Variants in ESYT2 observed in about 807,000 individuals in gnomAD.
ESYT2 encodes the protein extended synaptotagmin 2.
ESYT2 carries 54 observed loss-of-function variants against 107.2 expected under a neutral mutation model. That is an observed-to-expected ratio of 0.50 (90% CI 0.40 to 0.63). The LOEUF (loss-of-function observed/expected upper bound fraction) is 0.63, where lower values mean the gene tolerates loss of function less well. Among genes scored for constraint, ESYT2 ranks in the 30% least tolerant of loss-of-function variants. The pLI is 0.00. For missense variants in ESYT2, 1,020 were observed against 1,094.5 expected, an observed-to-expected ratio of 0.93 and a Z score of 0.96; for synonymous variants, 491 against 434.1, an observed-to-expected ratio of 1.13 and a Z score of -1.63.
At chr7:158,784,928 G>C (rs532181961) in intron 6 of ESYT2, among the ~76,000 whole-genome samples, 1 of 152,282 alleles carries the variant, frequency 6.6e-6, no homozygotes, top group Admixed American at 6.5e-5. Flanking sequence ...ATTTCTAAGG[G>C]AAGTTTTGGG....
intron 16 of ESYT2, among the ~76,000 whole-genome samples, chr7:158,747,799 T>G (rs568957482): frequency 6.6e-6 from 1 of 152,320 alleles, no homozygotes; most frequent in African/African-American, 2.4e-5. Context: ...CCCAATCTTT[T>G]ATCAATGTCT....
Position 158,748,218 on chromosome 7 carries a change from G to C in ESYT2, c.1620C>G (p.Pro540=). ...CCTCAACTTCAAGGTCCTGGCGCTTGGGATTGTGAATGAAGAAAGTGAAGT... is the reference window on the plus strand; with the variant it reads ...CCTCAACTTCAAGGTCCTGGCGCTTCGGATTGTGAATGAAGAAAGTGAAGT... ...EENFTFFIHN[P]KRQDLEVEVR... is the part of the protein sequence containing the mutation. The change falls in exon 16 of 23, where the codon CCC becomes CCG. Residue 540 remains proline, a synonymous_variant. Coordinates refer to ENST00000275418, the MANE Select transcript of ESYT2 (RefSeq NM_001367773.1). 6.2e-7 allele frequency: 1 copy of C among 1,614,162 alleles called. No individual in the cohort carries two copies. The highest frequency in any genetic ancestry group is 8.5e-7 in the Non-Finnish European group (1 of 1,180,022).
chr7:158,746,415 C>T (rs947661353), intron 16 of ESYT2, among the ~76,000 whole-genome samples: 3 of 151,072 alleles, frequency 2.0e-5, no homozygotes, highest in East Asian at 3.9e-4. Context: ...GAGGCTGAGG[C>T]GGGAGGATTG....
rs1836853613 is a variant in ESYT2 at position 158,734,603 on chromosome 7, A to G, written c.2506-132T>C. On this transcript the variant is annotated intron_variant, in intron 21 of 22. Coordinates refer to ENST00000275418, the MANE Select transcript of ESYT2 (RefSeq NM_001367773.1). ...CAAGAGTTTGAGACCAGCCTGGGCA[A>G]GATAGTGAAACCTTGTCTCTATTAA... 5 of 750,108 alleles carry G rather than the reference A, an allele frequency of 6.7e-6. No homozygotes were observed. In the South Asian group the frequency reaches 9.1e-5, roughly 14 times the overall value. 46.5% of individuals were successfully genotyped at this position (750,108 alleles called of 1,614,324 possible). A position where few individuals can be genotyped will look rare whatever the true frequency, so the allele number is the denominator to read the frequency against.
chr7:158,825,641 G>A (rs1308811801), intron 1 of ESYT2, among the ~76,000 whole-genome samples: 1 of 152,174 alleles, frequency 6.6e-6, no homozygotes, highest in African/African-American at 2.4e-5. Flanking sequence ...TCCATATCCA[G>A]CTTCAGTTTT....
chr7:158,823,172 G>C (rs910556834), intron 1 of ESYT2, among the ~76,000 whole-genome samples: 1 of 151,056 alleles, frequency 6.6e-6, no homozygotes, highest in African/African-American at 2.4e-5. Context: ...GTGTGCGCCT[G>C]TAGTCCCAGA....
In ESYT2 at chr7:158,829,138, T is replaced by A; in HGVS notation, c.281A>T (p.Glu94Val). ...LCRALALLED[E>V]ERVVRLGVRA... Reference sequence around the variant, plus strand: ...CACCCCCAGGCGCACGACGCGCTCCTCGTCTTCCAGCAGCGCCAGCGCGCG... The same window carrying A: ...CACCCCCAGGCGCACGACGCGCTCCACGTCTTCCAGCAGCGCCAGCGCGCG... The change falls in exon 1 of 23, where the codon GAG becomes GTG. Residue 94 changes from glutamate to valine, a missense_variant. Glu to Val is a moderately radical substitution (Grantham distance 121). Coordinates refer to ENST00000275418, the MANE Select transcript of ESYT2 (RefSeq NM_001367773.1). 6.4e-7 allele frequency: 1 copy of A among 1,570,164 alleles called. No individual in the cohort carries two copies. The highest frequency in any genetic ancestry group is 1.1e-5 in the South Asian group (1 of 87,988).
chr7:158,822,714 G>A (rs1027883720), intron 1 of ESYT2, among the ~76,000 whole-genome samples: 1 of 152,188 alleles, frequency 6.6e-6, no homozygotes, highest in Admixed American at 6.5e-5. Flanking sequence ...AGGAGGCTGA[G>A]GCAGGAGGAT....
intron 6 of ESYT2, among the ~76,000 whole-genome samples, chr7:158,781,422 C>T (rs886216897): frequency 1.5e-4 from 9 of 60,226 alleles, no homozygotes; most frequent in African/African-American, 3.6e-4. Context: ...AGTGTAAGAA[C>T]GAGTGAGAAG....
chr7:158,826,819 C>CA lies in ESYT2; in HGVS notation c.330+2269dup, dbSNP rs10685364. ...CTGGCAACAGAGCGAGATTCCGTCTCAAAAAAAAAAAAAAAAATTTCAGTT... is the reference window on the plus strand; with the variant it reads ...CTGGCAACAGAGCGAGATTCCGTCTCAAAAAAAAAAAAAAAAAATTTCAGTT... On this transcript the variant is annotated intron_variant, in intron 1 of 22. Transcript: ENST00000275418. Among the ~76,000 whole-genome samples the CA allele has an allele frequency of 6.6e-3, 769 of 117,018 alleles. 32 individuals are homozygous for CA. Among genetic ancestry groups the CA allele is most frequent in the African/African-American group, 0.024 (704 of 29,498 alleles). The allele number at this position is 117,018 out of a possible 152,430, so 76.8% of individuals were successfully genotyped here.
chr7:158,796,270 GA>G (rs1398923560), intron 3 of ESYT2, among the ~76,000 whole-genome samples: 3 of 152,146 alleles, frequency 2.0e-5, no homozygotes, highest in Admixed American at 6.5e-5. Context: ...TTTAAAAATA[GA>G]AAAAGAAAAA....
chr7:158,768,298 T>C (rs543534518), intron 7 of ESYT2, among the ~76,000 whole-genome samples: 45 of 152,346 alleles, frequency 3.0e-4, no homozygotes, highest in Admixed American at 3.9e-4. Flanking sequence ...AGAACTTACT[T>C]TGTTCTCTCT....
chr7:158,812,960 A>G (rs935133023), intron 1 of ESYT2, among the ~76,000 whole-genome samples: 6 of 152,234 alleles, frequency 3.9e-5, no homozygotes, highest in African/African-American at 1.4e-4. Context: ...TGGGCACAAA[A>G]CAGGGTTCCT....
At position 158,739,104 on chromosome 7, in the gene ESYT2, T is replaced by C; in HGVS notation, c.2186A>G (p.Gln729Arg). 2 of 1,614,110 alleles carry C rather than the reference T, an allele frequency of 1.2e-6. No homozygotes were observed. Among genetic ancestry groups the C allele is most frequent in the Non-Finnish European group, 1.7e-6 (2 of 1,179,984 alleles). The change falls in exon 19 of 23, where the codon CAG becomes CGG. Residue 729 changes from glutamine (Q) to arginine (R), a missense_variant. By Grantham distance (43) the Gln-to-Arg change is conservative (BLOSUM62 1). Transcript: ENST00000275418. The part of the protein sequence containing the change: ...RQLENGTTLG[Q>R]SPLGQIQLTI... The stretch of plus-strand genomic sequence containing the variant: ...CAGCTGGATCTGCCCCAGTGGAGAC[T>C]GTCCCAGGGTCGTCCCGCTGTGGGA...
chr7:158,808,332 A>C (rs1441673512), intron 1 of ESYT2, among the ~76,000 whole-genome samples: 1 of 152,246 alleles, frequency 6.6e-6, no homozygotes. Context: ...GTTCGCGCCG[A>C]GCATGCTCCC....
chr7:158,762,794 A>G (rs1027388315), intron 10 of ESYT2, among the ~76,000 whole-genome samples: 25 of 152,248 alleles, frequency 1.6e-4, no homozygotes, highest in Admixed American at 7.9e-4. Flanking sequence ...CCTTGTAAAC[A>G]AAGAGAGTGC....
intron 4 of ESYT2, among the ~76,000 whole-genome samples, chr7:158,791,280 C>T (rs79439679): frequency 2.0e-5 from 3 of 152,184 alleles, no homozygotes; most frequent in Admixed American, 2.0e-4. Context: ...GCAGGAGTCC[C>T]GTGTTTCTAA....
intron 19 of ESYT2, among the ~76,000 whole-genome samples, chr7:158,738,284 C>A (rs1837038947): frequency 6.8e-6 from 1 of 147,262 alleles, no homozygotes; most frequent in Non-Finnish European, 1.5e-5. Flanking sequence ...TGCACTCCAG[C>A]CTGGGGGACA....
At chr7:158,796,577 C>T (rs1320575339) in intron 3 of ESYT2, among the ~76,000 whole-genome samples, 1 of 152,134 alleles carries the variant, frequency 6.6e-6, no homozygotes, top group Non-Finnish European at 1.5e-5. Context: ...CCGAAAAGGG[C>T]GTGCTGACAG....
Sources: gnomAD v4.1 joint callset for allele counts (sites outside exome capture counted in the v4.1 genomes callset) on GRCh38, gnomAD v4.1.1 for gene constraint, MANE v1.5 for transcripts, NCBI Gene and HGNC (gene_info 2026-07-23, HGNC 2026-07-21) for gene names.